CNTNAP2: variants seen among roughly 807,000 people sequenced by gnomAD.
CNTNAP2 encodes contactin associated protein 2.
In CNTNAP2, 98 loss-of-function variants were observed where a neutral mutation model predicts 155.2. The observed-to-expected ratio is 0.63, with a 90% CI of 0.54 to 0.75. CNTNAP2 has a LOEUF of 0.75. Ranked by LOEUF, CNTNAP2 falls within the 30% of genes least tolerant of loss-of-function variation. CNTNAP2 has a pLI of 0.00. For synonymous variants in CNTNAP2, 651 were observed against 631.2 expected (o/e 1.03, Z -0.47); for missense variants, 1,727 against 1,688.1 (o/e 1.02, Z -0.40).
At chr7:146,703,301 G>A (rs182353239) in intron 1 of CNTNAP2, among the ~76,000 whole-genome samples, 38 of 152,196 alleles carry the variant, frequency 2.5e-4, no homozygotes, top group African/African-American at 8.9e-4. Context: ...ATGAGGGTTG[G>A]TCAAGTGTAT....
chr7:146,864,790 A>G (rs1795169130), intron 3 of CNTNAP2, among the ~76,000 whole-genome samples: 1 of 148,396 alleles, frequency 6.7e-6, no homozygotes, highest in Non-Finnish European at 1.5e-5. Flanking sequence ...AGCCTTGGCA[A>G]CATAATAAGA....
At chr7:148,185,953 G>A (rs1364595135) in intron 18 of CNTNAP2, among the ~76,000 whole-genome samples, 1 of 152,132 alleles carries the variant, frequency 6.6e-6, no homozygotes, top group South Asian at 2.1e-4. Context: ...AACCACCTGA[G>A]GTTATGACAA....
At chr7:146,930,462 T>G (rs911241934) in intron 3 of CNTNAP2, among the ~76,000 whole-genome samples, 2 of 152,062 alleles carry the variant, frequency 1.3e-5, no homozygotes, top group Non-Finnish European at 2.9e-5. Context: ...AAGGAACAAC[T>G]GGTACCAGCC....
chr7:147,381,440 C>T (rs958117065), intron 9 of CNTNAP2, among the ~76,000 whole-genome samples: 5 of 151,750 alleles, frequency 3.3e-5, no homozygotes, highest in Admixed American at 1.3e-4. Context: ...CTGTATCTGC[C>T]GATGTTTTAG....
intron 1 of CNTNAP2, among the ~76,000 whole-genome samples, chr7:146,662,142 C>CTT (rs776516522): frequency 4.2e-5 from 6 of 144,228 alleles, no homozygotes; most frequent in Admixed American, 7.0e-5. Context: ...GTTTTCTCTC[C>CTT]TTTTTTTTTT....
At chr7:148,335,269 A>T (rs529953810) in intron 21 of CNTNAP2, among the ~76,000 whole-genome samples, 56 of 152,338 alleles carry the variant, frequency 3.7e-4, no homozygotes, top group African/African-American at 1.3e-3. Context: ...CAACTCATAA[A>T]GGGAAAAGAC....
At chr7:148,355,537 T>C (rs1340562261) in intron 21 of CNTNAP2, among the ~76,000 whole-genome samples, 1 of 152,160 alleles carries the variant, frequency 6.6e-6, no homozygotes, top group East Asian at 1.9e-4. Context: ...GGAAAGAAGC[T>C]TGTTAATCTC....
intron 1 of CNTNAP2, among the ~76,000 whole-genome samples, chr7:146,457,585 C>T (rs981193759): frequency 1.4e-5 from 2 of 143,086 alleles, no homozygotes; most frequent in African/African-American, 5.3e-5. Flanking sequence ...CTCACTGCAA[C>T]CTCTGCCTCC....
intron 1 of CNTNAP2, among the ~76,000 whole-genome samples, chr7:146,456,924 T>C (rs1796563660): frequency 6.6e-6 from 1 of 152,194 alleles, no homozygotes; most frequent in African/African-American, 2.4e-5. Context: ...AGAAATCATC[T>C]AATCCACAAA....
At chr7:147,346,133 A>T (rs1400872481) in intron 9 of CNTNAP2, among the ~76,000 whole-genome samples, 9 of 49,896 alleles carry the variant, frequency 1.8e-4, no homozygotes, top group African/African-American at 1.4e-3. Context: ...CGAAGATTTT[A>T]TTTTATTTTA....
intron 1 of CNTNAP2, among the ~76,000 whole-genome samples, chr7:146,189,820 C>A (rs1197479610): frequency 6.6e-6 from 1 of 152,118 alleles, no homozygotes; most frequent in African/African-American, 2.4e-5. Flanking sequence ...TCATTTGAAG[C>A]CTTATCACAC....
At chr7:146,256,007 T>C (rs1799830961) in intron 1 of CNTNAP2, among the ~76,000 whole-genome samples, 1 of 152,212 alleles carries the variant, frequency 6.6e-6, no homozygotes, top group African/African-American at 2.4e-5. Context: ...GCATCAGTCA[T>C]GGATGAAAAC....
At chr7:147,302,940 C>T (rs1223090170) in intron 9 of CNTNAP2, among the ~76,000 whole-genome samples, 2 of 152,208 alleles carry the variant, frequency 1.3e-5, no homozygotes. Flanking sequence ...GAGGTCCCAG[C>T]TCTCTAACTT....
chr7:147,925,371 TG>T (rs1800379143), intron 14 of CNTNAP2, among the ~76,000 whole-genome samples: 1 of 151,980 alleles, frequency 6.6e-6, no homozygotes, highest in African/African-American at 2.4e-5. Flanking sequence ...GTAGTATATT[TG>T]TTATACTCAT....
At chr7:148,182,116 G>A (rs1032580419) in intron 18 of CNTNAP2, among the ~76,000 whole-genome samples, 2 of 152,014 alleles carry the variant, frequency 1.3e-5, no homozygotes, top group Non-Finnish European at 2.9e-5. Flanking sequence ...TTTTTTTCCT[G>A]AGTGTTTTAT....
intron 13 of CNTNAP2, among the ~76,000 whole-genome samples, chr7:147,775,094 C>T (rs908572132): frequency 4.0e-5 from 6 of 150,054 alleles, no homozygotes; most frequent in Admixed American, 2.7e-4. Context: ...AGGCATTTTG[C>T]TATTAAAAGT....
At chr7:147,548,106 T>C (rs940849600) in intron 11 of CNTNAP2, among the ~76,000 whole-genome samples, 1 of 152,230 alleles carries the variant, frequency 6.6e-6, no homozygotes, top group African/African-American at 2.4e-5. Flanking sequence ...TTTATAATAC[T>C]TTGGGTATGT....
intron 13 of CNTNAP2, among the ~76,000 whole-genome samples, chr7:147,702,315 G>C (rs146990543): frequency 0.016 from 2,505 of 152,006 alleles, 223 homozygotes; most frequent in Admixed American, 0.15. Context: ...TTCTAGCAAT[G>C]AAAGTCTTGA....
chr7:146,182,730 T>C (rs899695108), intron 1 of CNTNAP2, among the ~76,000 whole-genome samples: 1 of 152,178 alleles, frequency 6.6e-6, no homozygotes, highest in Non-Finnish European at 1.5e-5. Context: ...CAAATCTAAC[T>C]TCATTCTGTT....
Sources: allele counts gnomAD v4.1 joint callset (sites outside exome capture counted in the v4.1 genomes callset), GRCh38; gene constraint gnomAD v4.1.1; transcripts MANE v1.5; gene names NCBI Gene and HGNC (gene_info 2026-07-23, HGNC 2026-07-21).